SENP7: variants seen among roughly 807,000 people sequenced by gnomAD.
SENP7 encodes the protein sentrin-specific protease 7.
In SENP7, 64 loss-of-function variants were observed where a neutral mutation model predicts 141.2. That is an observed-to-expected ratio of 0.45 (90% confidence interval 0.37 to 0.56). The LOEUF (loss-of-function observed/expected upper bound fraction) is 0.56, where lower values mean the gene tolerates loss of function less well. SENP7 is among the 20% of genes least tolerant of loss of function. The probability of loss-of-function intolerance (pLI) is 0.00; values close to 1 mark genes in which losing one functional copy is unlikely to be tolerated. For missense variants in SENP7, 1,025 were observed against 1,212.2 expected, an observed-to-expected ratio of 0.85 and a Z score of 2.29; for synonymous variants, 382 against 426.4, an observed-to-expected ratio of 0.90 and a Z score of 1.28.
chr3:101,462,560 A>C (rs1353864630), intron 3 of SENP7, among the ~76,000 whole-genome samples: 1 of 151,092 alleles, frequency 6.6e-6, no homozygotes, highest in Non-Finnish European at 1.5e-5. Flanking sequence ...AAAAGAAAGA[A>C]AGAAAAGAAA....
intron 3 of SENP7, among the ~76,000 whole-genome samples, chr3:101,488,091 G>T (rs140528437): frequency 6.6e-6 from 1 of 152,090 alleles, no homozygotes; most frequent in African/African-American, 2.4e-5. Context: ...CAATCCACGC[G>T]CATGGATTGT....
rs1362633798 is a variant in SENP7 at position 101,493,854 on chromosome 3, A to C, written c.186+19T>G. The C allele has an allele frequency of 2.8e-6, 4 of 1,419,566 alleles. No homozygotes were observed. The South Asian group carries it at 5.1e-5, about 18-fold the overall frequency. 87.9% of individuals were successfully genotyped at this position (1,419,566 alleles called of 1,614,324 possible). On this transcript the variant is annotated intron_variant, in intron 3 of 23. Transcript: ENST00000394095. ...CAAATAAAACTGTATACTTAAAATA[A>C]ATTAATTTTATTTACCACCTGCAAA...
intron 1 of SENP7, among the ~76,000 whole-genome samples, chr3:101,504,681 T>G (rs544747620): frequency 9.2e-5 from 14 of 152,278 alleles, no homozygotes; most frequent in African/African-American, 3.1e-4. Context: ...GAAAAAGGAA[T>G]GAACTCACGT....
intron 6 of SENP7, among the ~76,000 whole-genome samples, chr3:101,392,296 C>T (rs866041698): frequency 2.0e-5 from 3 of 152,114 alleles, no homozygotes; most frequent in Non-Finnish European, 4.4e-5. Context: ...TTCCAGATGA[C>T]ATGACCATAC....
chr3:101,337,718 T>C, intron 16 of SENP7, 87 bp from the exon 17 acceptor site: 1 of 1,142,084 alleles, frequency 8.8e-7, no homozygotes. Flanking sequence ...TGGAAATCTT[T>C]ATTTTTTATC....
rs571691192 is a variant in SENP7, at chr3:101,504,152, C to T, written c.41-3033G>A. On this transcript the variant is annotated intron_variant, in intron 1 of 23. Transcript: ENST00000394095. ...AGAAACCATGTAATGTTTTCCTGAT[C>T]TAAAAAATTATTTTTGGGCCAGGCG... Among the ~76,000 whole-genome samples the T allele has an allele frequency of 3.9e-5, 6 of 151,930 alleles. No individual in the cohort carries two copies. In the South Asian group the frequency reaches 1.2e-3, roughly 32 times the overall value.
chr3:101,406,631 G>C (rs776627729), intron 5 of SENP7, among the ~76,000 whole-genome samples: 6 of 150,992 alleles, frequency 4.0e-5, no homozygotes, highest in Non-Finnish European at 8.9e-5. Flanking sequence ...AAATCTAAAA[G>C]TTTGGAAGAT....
At chr3:101,386,983 T>C (rs918150505) in intron 6 of SENP7, among the ~76,000 whole-genome samples, 5 of 152,198 alleles carry the variant, frequency 3.3e-5, no homozygotes, top group South Asian at 2.1e-4. Context: ...AAGTACATCA[T>C]CTGGGAGCCT....
intron 1 of SENP7, among the ~76,000 whole-genome samples, chr3:101,503,719 G>A (rs1006340973): frequency 6.6e-6 from 1 of 152,138 alleles, no homozygotes; most frequent in Admixed American, 6.5e-5. Flanking sequence ...GCTGAGGTGG[G>A]TAGATCGCTT....
At chr3:101,343,179 A>G (rs971636152) in intron 14 of SENP7, among the ~76,000 whole-genome samples, 1 of 152,202 alleles carries the variant, frequency 6.6e-6, no homozygotes, top group Non-Finnish European at 1.5e-5. Flanking sequence ...TGATGTCTAC[A>G]AGGTTTCTCC....
intron 4 of SENP7, among the ~76,000 whole-genome samples, chr3:101,442,770 G>A (rs1462098730): frequency 1.3e-4 from 20 of 151,520 alleles, no homozygotes; most frequent in Admixed American, 1.3e-3. Context: ...ACACAATTAA[G>A]AACTTCAACA....
At chr3:101,450,834 G>C (rs2063103665) in intron 4 of SENP7, among the ~76,000 whole-genome samples, 1 of 152,068 alleles carries the variant, frequency 6.6e-6, no homozygotes, top group South Asian at 2.1e-4. Flanking sequence ...ATATTCAAAA[G>C]CTAGCAGAAG....
chr3:101,512,996 C>G, intron 1 of SENP7, 95 bp downstream of exon 1: 1 of 1,418,062 alleles, frequency 7.1e-7, no homozygotes, highest in South Asian at 1.1e-5. Flanking sequence ...CCCTCGCCCC[C>G]GCGGCTTCGG....
At chr3:101,432,081 G>A (rs2062202142) in intron 4 of SENP7, among the ~76,000 whole-genome samples, 1 of 152,072 alleles carries the variant, frequency 6.6e-6, no homozygotes, top group African/African-American at 2.4e-5. Flanking sequence ...TTGAGTCCCA[G>A]GCCAGGCAGC....
chr3:101,339,393 C>T (rs2059271399), intron 16 of SENP7, among the ~76,000 whole-genome samples: 1 of 152,092 alleles, frequency 6.6e-6, no homozygotes, highest in African/African-American at 2.4e-5. Flanking sequence ...TAAATGTTTT[C>T]ATACCAATTC....
At chr3:101,423,730 G>T (rs1353643716) in intron 4 of SENP7, among the ~76,000 whole-genome samples, 1 of 152,140 alleles carries the variant, frequency 6.6e-6, no homozygotes, top group Non-Finnish European at 1.5e-5. Context: ...AGGGAGGAAG[G>T]TGGGAACCTT....
chr3:101,389,062 T>G (rs1163629699), intron 6 of SENP7, among the ~76,000 whole-genome samples: 1 of 152,168 alleles, frequency 6.6e-6, no homozygotes, highest in South Asian at 2.1e-4. Flanking sequence ...AACAAAGGGA[T>G]AGAAAACATA....
rs770354390 is a variant in SENP7, at chr3:101,326,082, TA to T, written c.3016-3del. On this transcript the variant is annotated splice_polypyrimidine_tract_variant and splice_region_variant and intron_variant, in intron 23 of 23. Coordinates refer to ENST00000394095, the MANE Select transcript of SENP7 (RefSeq NM_020654.5). ...AAGTTCAAAGTTAACAATAGGATCCTAATGAGAGGAAAAAAAGAGTGTAATC... is the reference window on the plus strand; with the variant it reads ...AAGTTCAAAGTTAACAATAGGATCCTATGAGAGGAAAAAAAGAGTGTAATC... 6.3e-7 allele frequency: 1 copy of T among 1,578,534 alleles called. No homozygotes were observed. Among genetic ancestry groups the T allele is most frequent in the East Asian group, 2.3e-5 (1 of 43,138 alleles).
chr3:101,448,537 G>C (rs1576383493), intron 4 of SENP7, among the ~76,000 whole-genome samples: 1 of 151,556 alleles, frequency 6.6e-6, no homozygotes, highest in East Asian at 1.9e-4. Flanking sequence ...GTGAACAGCA[G>C]ATGTTGCTGC....
Sources: allele counts gnomAD v4.1 joint callset (sites outside exome capture counted in the v4.1 genomes callset), GRCh38; gene constraint gnomAD v4.1.1; transcripts MANE v1.5; gene names NCBI Gene and HGNC (gene_info 2026-07-23, HGNC 2026-07-21).